Variants in TIMM23B observed in about 807,000 individuals in gnomAD.
The protein encoded by TIMM23B is mitochondrial import inner membrane translocase subunit Tim23B.
TIMM23B carries 27 observed loss-of-function variants against 27.3 expected under a neutral mutation model. The ratio of observed to expected loss-of-function variants is 0.99; its 90% CI spans 0.73 to 1.36. The LOEUF is 1.36. Among genes scored for constraint, TIMM23B ranks in the 40% most tolerant of loss-of-function variants. The pLI is 0.00. For synonymous variants in TIMM23B, 73 were observed against 92.4 expected (o/e 0.79, Z 1.21); for missense variants, 205 against 244.2 (o/e 0.84, Z 1.07).
At chr10:49,942,357 A>G (rs1839144927) in intron 1 of TIMM23B, 57 bp downstream of exon 1, 1 of 1,562,520 alleles carries the variant, frequency 6.4e-7, no homozygotes, top group African/African-American at 1.4e-5. Flanking sequence ...TTTACACTAA[A>G]GTTGCGCGTC....
At chr10:49,953,008 T>C (rs1403942004) in intron 4 of TIMM23B, among the ~76,000 whole-genome samples, 2 of 152,216 alleles carry the variant, frequency 1.3e-5, no homozygotes, top group African/African-American at 2.4e-5. Context: ...TAAATAAAAT[T>C]TTTAGAATTA....
chr10:49,964,838 C>G (rs181902758), intron 6 of TIMM23B, among the ~76,000 whole-genome samples: 105 of 149,130 alleles, frequency 7.0e-4, no homozygotes, highest in East Asian at 2.3e-3. Context: ...GAAATGCTGG[C>G]TGTGGTGATG....
At chr10:49,970,375 C>CT (rs1840375113) in intron 6 of TIMM23B, 1 of 173,054 alleles carries the variant, frequency 5.8e-6, no homozygotes, top group Non-Finnish European at 1.2e-5. Context: ...CACCCATCGT[C>CT]TGAGATGAGG....
chr10:49,958,398 C>G lies in TIMM23B; in HGVS notation c.432C>G (p.Ile144Met). ...LALLYSAFGV[I>M]IEKTRGAEDD... ...TGCTCTATAGTGCATTTGGTGTCAT[C>G]ATTGAGAAAACACGAGGTGCAGAAG... The change falls in exon 6 of 7, where the codon ATC (isoleucine) becomes ATG (methionine). Residue 144 changes from isoleucine (I) to methionine (M), a missense_variant. By Grantham distance (10) the Ile-to-Met change is conservative. Transcript: ENST00000651259. 1.2e-6 allele frequency: 2 copies of G among 1,613,838 alleles called. No individual in the cohort carries two copies. Among genetic ancestry groups the G allele is most frequent in the East Asian group, 2.2e-5 (1 of 44,864 alleles).
At position 49,942,190 on chromosome 10, in the gene TIMM23B, A is replaced by G; in HGVS notation, c.-5A>G. The G allele has an allele frequency of 6.3e-7, 1 of 1,596,246 alleles. No homozygotes were observed. Among genetic ancestry groups the G allele is most frequent in the South Asian group, 1.1e-5 (1 of 89,240 alleles). On this transcript the variant is annotated 5_prime_UTR_variant, in exon 1 of 7. Transcript: ENST00000651259. Reference sequence around the variant, plus strand: ...GGCGGGAACCACTCGGTTTGCTGCGATACCATGGAAGGAGGCGGGGGAAGC... The same window carrying G: ...GGCGGGAACCACTCGGTTTGCTGCGGTACCATGGAAGGAGGCGGGGGAAGC...
At chr10:49,949,542 C>T (rs1326728866) in intron 2 of TIMM23B, among the ~76,000 whole-genome samples, 4 of 151,934 alleles carry the variant, frequency 2.6e-5, no homozygotes, top group Non-Finnish European at 4.4e-5. Context: ...ATCATTGTAG[C>T]CCTGCATTGC....
At chr10:49,964,134 C>A (rs536580083) in intron 6 of TIMM23B, among the ~76,000 whole-genome samples, 1 of 150,554 alleles carries the variant, frequency 6.6e-6, no homozygotes, top group African/African-American at 2.4e-5. Flanking sequence ...ATATGAAATG[C>A]CAGGTGTGGT....
chr10:49,959,515 A>C (rs1246310289), intron 6 of TIMM23B, among the ~76,000 whole-genome samples: 2 of 152,146 alleles, frequency 1.3e-5, no homozygotes, highest in Admixed American at 1.3e-4. Context: ...TATTGTGTTG[A>C]TACATCTTTG....
chr10:49,960,256 G>A (rs1483089267), intron 6 of TIMM23B, among the ~76,000 whole-genome samples: 2 of 145,024 alleles, frequency 1.4e-5, no homozygotes, highest in African/African-American at 5.1e-5. Flanking sequence ...TCACTATGTT[G>A]CCCAGGCTGG....
At chr10:49,965,201 T>C (rs539739022) in intron 6 of TIMM23B, among the ~76,000 whole-genome samples, 123 of 151,804 alleles carry the variant, frequency 8.1e-4, no homozygotes, top group South Asian at 1.7e-3. Flanking sequence ...GCCTGGGCAA[T>C]AGAACGAGTC....
In TIMM23B at chr10:49,942,131, A is replaced by C; in HGVS notation, c.-64A>C. On this transcript the variant is annotated 5_prime_UTR_variant, in exon 1 of 7. The change abolishes the stop of an existing upstream ORF in the 5' untranslated region. Coordinates refer to ENST00000651259, the MANE Select transcript of TIMM23B (RefSeq NM_001290117.2). Reference sequence around the variant, plus strand: ...GGGTTACCCGCTGTTATTGAGGAGTAACGGCCCAGCGGACCACCCAGGCTT... The same window carrying C: ...GGGTTACCCGCTGTTATTGAGGAGTCACGGCCCAGCGGACCACCCAGGCTT... 3 of 1,519,434 alleles carry C rather than the reference A, an allele frequency of 2.0e-6. No individual in the cohort carries two copies. The highest frequency in any genetic ancestry group is 2.7e-6 in the Non-Finnish European group (3 of 1,125,556). 94.1% of individuals were successfully genotyped at this position (1,519,434 alleles called of 1,614,324 possible). A position where few individuals can be genotyped will look rare whatever the true frequency, so the allele number is the denominator to read the frequency against.
chr10:49,952,614 G>T (rs1376203844), intron 4 of TIMM23B, 81 bp downstream of exon 4: 1 of 1,493,302 alleles, frequency 6.7e-7, no homozygotes, highest in Non-Finnish European at 9.1e-7. Context: ...ACAACCTTGA[G>T]ATTACAGATG....
chr10:49,957,742 C>T (rs1363436288), intron 5 of TIMM23B, among the ~76,000 whole-genome samples: 8 of 152,240 alleles, frequency 5.3e-5, no homozygotes, highest in South Asian at 4.2e-4. Context: ...GAAAGTCTTC[C>T]GACCCCATCC....
intron 2 of TIMM23B, among the ~76,000 whole-genome samples, chr10:49,951,069 T>G (rs1198070187): frequency 6.6e-6 from 1 of 152,220 alleles, no homozygotes; most frequent in African/African-American, 2.4e-5. Context: ...ACATGGGAAC[T>G]ATTCAGATTT....
chr10:49,963,831 A>C (rs1181548304), intron 6 of TIMM23B, among the ~76,000 whole-genome samples: 2 of 152,098 alleles, frequency 1.3e-5, no homozygotes, highest in African/African-American at 4.8e-5. Context: ...CGGGCATGAT[A>C]GCGGGTGCCT....
intron 2 of TIMM23B, among the ~76,000 whole-genome samples, chr10:49,948,636 A>G (rs1839426208): frequency 2.0e-5 from 3 of 152,252 alleles, no homozygotes; most frequent in Admixed American, 6.5e-5. Context: ...GTGTGGTTCC[A>G]TTTATATGGA....
At chr10:49,949,009 T>G (rs1350180156) in intron 2 of TIMM23B, among the ~76,000 whole-genome samples, 1 of 152,006 alleles carries the variant, frequency 6.6e-6, no homozygotes, top group Admixed American at 6.6e-5. Flanking sequence ...TGCCTCATCC[T>G]CCTAGATAGC....
intron 6 of TIMM23B, among the ~76,000 whole-genome samples, chr10:49,959,157 GT>G (rs1839817471): frequency 6.6e-6 from 1 of 152,114 alleles, no homozygotes; most frequent in African/African-American, 2.4e-5. Flanking sequence ...GTTTATGGTG[GT>G]TTTTTGACAT....
chr10:49,952,808 C>G (rs1839581753), intron 4 of TIMM23B, among the ~76,000 whole-genome samples: 1 of 148,550 alleles, frequency 6.7e-6, no homozygotes, highest in South Asian at 2.2e-4. Flanking sequence ...TTCTCCAACC[C>G]TATGTGACTT....
Sources: gnomAD v4.1 joint callset for allele counts (sites outside exome capture counted in the v4.1 genomes callset) on GRCh38, gnomAD v4.1.1 for gene constraint, MANE v1.5 for transcripts, NCBI Gene and HGNC (gene_info 2026-07-23, HGNC 2026-07-21) for gene names.